GLIS3: variants seen among roughly 807,000 people sequenced by gnomAD.
The protein encoded by GLIS3 is zinc finger protein GLIS3.
GLIS3 carries 53 observed loss-of-function variants against 78.6 expected under a neutral mutation model. The ratio of observed to expected loss-of-function variants is 0.67; its 90% CI spans 0.54 to 0.85. The LOEUF (loss-of-function observed/expected upper bound fraction) is 0.85. GLIS3 is among the 40% of genes least tolerant of loss of function. The probability of loss-of-function intolerance (pLI) is 0.00; values close to 1 mark genes in which losing one functional copy is unlikely to be tolerated. For synonymous variants in GLIS3, 684 were observed against 509.9 expected (o/e 1.34, Z -4.60); for missense variants, 1,703 against 1,231.1 (o/e 1.38, Z -5.74).
At chr9:4,312,116 A>G (rs1236593815) in intron 2 of GLIS3, among the ~76,000 whole-genome samples, 4 of 152,188 alleles carry the variant, frequency 2.6e-5, no homozygotes, top group East Asian at 1.9e-4. Flanking sequence ...AAACCTACAC[A>G]TGTACCTCTG....
intron 8 of GLIS3, chr9:3,878,597 G>C (rs925176311): frequency 6.6e-6 from 1 of 151,962 alleles, no homozygotes; most frequent in East Asian, 1.9e-4. Context: ...TTCAACAATT[G>C]CCAGAACTTC....
At chr9:4,480,273 C>T in the GLIS3 span, among the ~76,000 whole-genome samples, 1 of 144,934 alleles carries the variant, frequency 6.9e-6, no homozygotes, top group Admixed American at 7.2e-5. Flanking sequence ...GGCATAATCA[C>T]AGCTCACTGC....
intron 2 of GLIS3, among the ~76,000 whole-genome samples, chr9:4,224,775 A>C (rs1821629432): frequency 6.6e-6 from 1 of 151,352 alleles, no homozygotes; most frequent in Non-Finnish European, 1.5e-5. Flanking sequence ...TTTTTGGAAC[A>C]AAGGAAGTAT....
chr9:3,974,020 T>C (rs1388074445), intron 4 of GLIS3, among the ~76,000 whole-genome samples: 1 of 152,200 alleles, frequency 6.6e-6, no homozygotes, highest in Admixed American at 6.6e-5. Flanking sequence ...TTATGATTCC[T>C]GTAAGTGCGA....
intron 8 of GLIS3, among the ~76,000 whole-genome samples, chr9:3,873,677 AAAAT>A (rs1290597674): frequency 7.1e-6 from 1 of 141,558 alleles, no homozygotes; most frequent in Non-Finnish European, 1.5e-5. Context: ...AAAAATAAAG[AAAAT>A]AAAGTCAAAG....
Position 3,824,891 on chromosome 9 carries a change from G to C in GLIS3, c.*3381C>G, listed in dbSNP as rs962523633. The stretch of plus-strand genomic sequence containing the variant: ...TTTACACTCACTATTTCTCCAATGA[G>C]TGCTTTTTTTTTTTTGCTTCATCTG... On this transcript the variant is annotated 3_prime_UTR_variant, in exon 11 of 11. Transcript: ENST00000381971. The C allele has an allele frequency of 7.9e-6, 1 of 126,538 alleles. No homozygotes were observed. Among genetic ancestry groups the C allele is most frequent in the African/African-American group, 3.0e-5 (1 of 33,560 alleles). 7.8% of individuals were successfully genotyped at this position (126,538 alleles called of 1,614,324 possible). A position where few individuals can be genotyped will look rare whatever the true frequency, so the allele number is the denominator to read the frequency against.
chr9:4,113,984 T>C (rs1231470733), intron 4 of GLIS3, among the ~76,000 whole-genome samples: 1 of 151,052 alleles, frequency 6.6e-6, no homozygotes, highest in Admixed American at 6.6e-5. Context: ...TGGATAAAAT[T>C]CATCCAGGAA....
At chr9:4,241,068 T>A (rs1203677803) in intron 2 of GLIS3, among the ~76,000 whole-genome samples, 2 of 152,138 alleles carry the variant, frequency 1.3e-5, no homozygotes, top group Non-Finnish European at 2.9e-5. Context: ...CAAATAAACA[T>A]CTCTCCCCAA....
At chr9:4,288,378 T>C (rs1367730598) in intron 1 of GLIS3, among the ~76,000 whole-genome samples, 1 of 152,178 alleles carries the variant, frequency 6.6e-6, no homozygotes, top group Non-Finnish European at 1.5e-5. Flanking sequence ...TTTTTTAAAA[T>C]AAAGAATTGT....
the GLIS3 span, among the ~76,000 whole-genome samples, chr9:4,466,254 G>A: frequency 3.9e-5 from 6 of 152,178 alleles, no homozygotes; most frequent in Non-Finnish European, 5.9e-5. Flanking sequence ...ATTGACCTGA[G>A]AAGAAATAGA....
At chr9:3,994,448 G>GT (rs1820584282) in intron 4 of GLIS3, among the ~76,000 whole-genome samples, 1 of 152,160 alleles carries the variant, frequency 6.6e-6, no homozygotes, top group Non-Finnish European at 1.5e-5. Flanking sequence ...TTTGGCAAGC[G>GT]TATGTCTTCT....
At chr9:3,876,499 A>C (rs987816797) in intron 8 of GLIS3, among the ~76,000 whole-genome samples, 1 of 149,858 alleles carries the variant, frequency 6.7e-6, no homozygotes, top group African/African-American at 2.5e-5. Context: ...TGATTATTAT[A>C]TTGGGTTTAT....
Position 4,265,341 on chromosome 9 carries a change from T to C in GLIS3, c.388+20697A>G, listed in dbSNP as rs142272617. ...GCATTATACTAAAATTCTAGCATAA[T>C]GTATCGCCTTATTTAATTTTTCCAG... On this transcript the variant is annotated intron_variant, in intron 2 of 10. Coordinates refer to ENST00000381971, the MANE Select transcript of GLIS3 (RefSeq NM_001042413.2). Among the ~76,000 whole-genome samples the C allele has an allele frequency of 2.0e-5, 3 of 151,036 alleles. No individual in the cohort carries two copies. The East Asian group carries it at 5.8e-4, about 29-fold the overall frequency.
intron 4 of GLIS3, among the ~76,000 whole-genome samples, chr9:4,114,014 G>A (rs990694237): frequency 1.9e-4 from 15 of 78,476 alleles, no homozygotes; most frequent in Admixed American, 1.1e-3. Context: ...AAATTTAAGC[G>A]GAGGCCCACG....
At chr9:4,068,752 AAAGAGCACTGTC>A (rs1225648406) in intron 4 of GLIS3, among the ~76,000 whole-genome samples, 2 of 152,210 alleles carry the variant, frequency 1.3e-5, no homozygotes, top group Non-Finnish European at 2.9e-5. Flanking sequence ...AAACCTCGAA[AAAGAGCACTGTC>A]AAGGGATTTT....
chr9:3,863,703 A>ATGAG (rs1315410771), intron 8 of GLIS3, among the ~76,000 whole-genome samples: 3 of 152,354 alleles, frequency 2.0e-5, no homozygotes, highest in South Asian at 4.1e-4. Flanking sequence ...CATATACATC[A>ATGAG]TGAGTGAGTG....
At chr9:4,325,726 T>G (rs1817588515) in intron 2 of GLIS3, among the ~76,000 whole-genome samples, 1 of 152,222 alleles carries the variant, frequency 6.6e-6, no homozygotes, top group African/African-American at 2.4e-5. Context: ...TTTTATTTTT[T>G]TCATCTATCA....
At chr9:3,996,421 G>C (rs972181393) in intron 4 of GLIS3, among the ~76,000 whole-genome samples, 6 of 152,138 alleles carry the variant, frequency 3.9e-5, no homozygotes, top group African/African-American at 1.2e-4. Flanking sequence ...CTGGAGGATG[G>C]GGTGACATTC....
chr9:4,054,814 GAAAC>G (rs1235788248), intron 4 of GLIS3, among the ~76,000 whole-genome samples: 1 of 151,902 alleles, frequency 6.6e-6, no homozygotes, highest in East Asian at 1.9e-4. Flanking sequence ...AAACACTTGA[GAAAC>G]TGTCAGTTTT....
Sources: gnomAD v4.1 joint callset for allele counts (sites outside exome capture counted in the v4.1 genomes callset) on GRCh38, gnomAD v4.1.1 for gene constraint, MANE v1.5 for transcripts, NCBI Gene and HGNC (gene_info 2026-07-23, HGNC 2026-07-21) for gene names.